KCNH8: variants seen among roughly 807,000 people sequenced by gnomAD.
The protein encoded by KCNH8 is voltage-gated delayed rectifier potassium channel KCNH8.
KCNH8 carries 70 observed loss-of-function variants against 103.6 expected under a neutral mutation model. That is an observed-to-expected ratio of 0.68 (90% CI 0.56 to 0.82). The LOEUF (loss-of-function observed/expected upper bound fraction) is 0.82. Among genes scored for constraint, KCNH8 ranks in the 40% least tolerant of loss-of-function variants. The pLI is 0.00. For synonymous variants in KCNH8, 498 were observed against 489.4 expected, an observed-to-expected ratio of 1.02 and a Z score of -0.23; for missense variants, 1,217 against 1,329.9, an observed-to-expected ratio of 0.92 and a Z score of 1.32.
intron 2 of KCNH8, among the ~76,000 whole-genome samples, chr3:19,273,083 C>T (rs1366555433): frequency 6.6e-6 from 1 of 152,124 alleles, no homozygotes; most frequent in Non-Finnish European, 1.5e-5. Context: ...TAGATAATCC[C>T]AGAGTCCCAG....
intron 1 of KCNH8, among the ~76,000 whole-genome samples, chr3:19,155,663 A>T (rs1289799967): frequency 6.6e-6 from 1 of 151,964 alleles, no homozygotes; most frequent in African/African-American, 2.4e-5. Context: ...CTGCTCTTTC[A>T]TGGTTTTGGG....
chr3:19,260,798 G>GT (rs2064424061), intron 2 of KCNH8, among the ~76,000 whole-genome samples: 2 of 147,334 alleles, frequency 1.4e-5, no homozygotes, highest in Non-Finnish European at 3.0e-5. Context: ...TTTGTTCTTT[G>GT]TCTCTATATA....
At chr3:19,382,931 T>C (rs1203338733) in intron 5 of KCNH8, among the ~76,000 whole-genome samples, 1 of 152,126 alleles carries the variant, frequency 6.6e-6, no homozygotes, top group Non-Finnish European at 1.5e-5. Flanking sequence ...GCACCTAGGC[T>C]GACAGAAGAT....
At chr3:19,396,182 T>C (rs2066515236) in intron 7 of KCNH8, among the ~76,000 whole-genome samples, 1 of 152,074 alleles carries the variant, frequency 6.6e-6, no homozygotes, top group Non-Finnish European at 1.5e-5. Context: ...TTATCTTCTC[T>C]ATCAAAAATC....
chr3:19,471,386 G>A (rs1046307366), intron 11 of KCNH8, among the ~76,000 whole-genome samples: 1 of 152,104 alleles, frequency 6.6e-6, no homozygotes, highest in African/African-American at 2.4e-5. Flanking sequence ...GTGGAGCAAG[G>A]GTCGTCCATT....
At chr3:19,466,284 G>A (rs1051967324) in intron 11 of KCNH8, among the ~76,000 whole-genome samples, 1 of 152,154 alleles carries the variant, frequency 6.6e-6, no homozygotes, top group Admixed American at 6.5e-5. Context: ...TACTCATGGT[G>A]AAGATGTTGT....
intron 1 of KCNH8, among the ~76,000 whole-genome samples, chr3:19,181,951 G>A (rs2063457250): frequency 6.6e-6 from 1 of 152,128 alleles, no homozygotes; most frequent in Non-Finnish European, 1.5e-5. Flanking sequence ...AGTGAATTCA[G>A]TGTTGTGCGT....
At chr3:19,474,464 G>A (rs1204007360) in intron 11 of KCNH8, among the ~76,000 whole-genome samples, 2 of 152,156 alleles carry the variant, frequency 1.3e-5, no homozygotes, top group African/African-American at 4.8e-5. Context: ...CAGCAGCCAA[G>A]TCATTAGAAA....
intron 7 of KCNH8, among the ~76,000 whole-genome samples, chr3:19,403,248 T>C (rs2066639598): frequency 6.6e-6 from 1 of 150,930 alleles, no homozygotes; most frequent in Admixed American, 6.6e-5. Context: ...TGACCTTTTA[T>C]ACGATAATTA....
chr3:19,280,141 A>T lies in KCNH8; in HGVS notation c.311-1057A>T, dbSNP rs150641890. Among the ~76,000 whole-genome samples the T allele has an allele frequency of 5.9e-3, 901 of 152,234 alleles. 9 individuals carry two copies. The highest frequency in any genetic ancestry group is 0.02 in the African/African-American group (851 of 41,570). ...ATTTTTTTACATATTTCTAAAATACATATTTTAAAATATATTTAAACATTG... is the reference window on the plus strand; with the variant it reads ...ATTTTTTTACATATTTCTAAAATACTTATTTTAAAATATATTTAAACATTG... On this transcript the variant is annotated intron_variant, in intron 2 of 15. Coordinates refer to ENST00000328405, the MANE Select transcript of KCNH8 (RefSeq NM_144633.3).
intron 11 of KCNH8, among the ~76,000 whole-genome samples, chr3:19,464,764 T>A (rs2067701854): frequency 6.6e-6 from 1 of 152,132 alleles, no homozygotes; most frequent in Non-Finnish European, 1.5e-5. Flanking sequence ...CCACTTGCCA[T>A]TATCCAAATG....
At chr3:19,190,983 A>T (rs1167035254) in intron 1 of KCNH8, among the ~76,000 whole-genome samples, 1 of 151,890 alleles carries the variant, frequency 6.6e-6, no homozygotes, top group Non-Finnish European at 1.5e-5. Context: ...CACATACTTT[A>T]ATTGTTCTTA....
intron 1 of KCNH8, among the ~76,000 whole-genome samples, chr3:19,239,808 A>T (rs1421767454): frequency 6.6e-6 from 1 of 152,132 alleles, no homozygotes; most frequent in Non-Finnish European, 1.5e-5. Flanking sequence ...TTAACCTTAA[A>T]GATATTAGCC....
intron 5 of KCNH8, among the ~76,000 whole-genome samples, chr3:19,371,109 C>T (rs1222601373): frequency 6.6e-6 from 1 of 151,458 alleles, no homozygotes; most frequent in African/African-American, 2.4e-5. Context: ...ATTTATAATC[C>T]TTTGGGTATA....
intron 11 of KCNH8, among the ~76,000 whole-genome samples, chr3:19,490,450 A>C (rs990797298): frequency 4.6e-5 from 7 of 152,182 alleles, no homozygotes; most frequent in African/African-American, 1.7e-4. Flanking sequence ...TGGGGGCTGC[A>C]TGCACCTGCA....
Position 19,297,524 on chromosome 3 carries a change from T to C in KCNH8, c.442+16195T>C, listed in dbSNP as rs2065011894. ...AGCTTTTTATTGAAAGAGGGATTGA[T>C]TGGCTAAATTGAAGTTACAGTGACA... is the stretch of plus-strand genomic sequence containing the variant. On this transcript the variant is annotated intron_variant, in intron 3 of 15. Coordinates refer to ENST00000328405, the MANE Select transcript of KCNH8 (RefSeq NM_144633.3). Among the ~76,000 whole-genome samples, 7 of 152,216 alleles carry C rather than the reference T, an allele frequency of 4.6e-5. No homozygotes were observed. In the South Asian group the frequency reaches 1.4e-3, roughly 31 times the overall value.
At chr3:19,255,038 G>A (rs1047711083) in intron 2 of KCNH8, among the ~76,000 whole-genome samples, 2 of 152,056 alleles carry the variant, frequency 1.3e-5, no homozygotes, top group Admixed American at 1.3e-4. Context: ...AAGATAATTA[G>A]TGTTAAATAA....
At chr3:19,188,803 G>GT (rs780619023) in intron 1 of KCNH8, among the ~76,000 whole-genome samples, 4 of 151,912 alleles carry the variant, frequency 2.6e-5, no homozygotes, top group Non-Finnish European at 2.9e-5. Context: ...GTGTTTGTTT[G>GT]TTTGTTTGAT....
intron 11 of KCNH8, among the ~76,000 whole-genome samples, chr3:19,493,806 T>C (rs1418057662): frequency 6.6e-6 from 1 of 152,206 alleles, no homozygotes. Flanking sequence ...TCATTTATAT[T>C]ACAAATTACA....
Sources: allele counts gnomAD v4.1 joint callset (sites outside exome capture counted in the v4.1 genomes callset), GRCh38; gene constraint gnomAD v4.1.1; transcripts MANE v1.5; gene names NCBI Gene and HGNC (gene_info 2026-07-23, HGNC 2026-07-21).